The following NTM variants were observed in gnomAD, a reference collection of about 807,000 sequenced individuals.
NTM encodes the protein neurotrimin.
In NTM, 13 loss-of-function variants were observed where a neutral mutation model predicts 42.1. That is an observed-to-expected ratio of 0.31 (90% CI 0.20 to 0.49). The LOEUF (loss-of-function observed/expected upper bound fraction) is 0.49, where lower values mean the gene tolerates loss of function less well. NTM is among the 20% of genes least tolerant of loss of function. The pLI, the probability that NTM is intolerant of heterozygous loss-of-function variation, is 0.99. For missense variants in NTM, 373 were observed against 452.8 expected (o/e 0.82, Z 1.60); for synonymous variants, 187 against 179.2 (o/e 1.04, Z -0.35).
chr11:131,846,015 A>G (rs993156309), intron 1 of NTM, among the ~76,000 whole-genome samples: 8 of 152,300 alleles, frequency 5.3e-5, no homozygotes, highest in Admixed American at 3.9e-4. Context: ...ACTCACCTAT[A>G]AATTCTTCTG....
At chr11:131,751,535 G>A (rs906957677) in intron 1 of NTM, among the ~76,000 whole-genome samples, 5 of 151,482 alleles carry the variant, frequency 3.3e-5, no homozygotes, top group African/African-American at 7.3e-5. Flanking sequence ...GCTTGCAGTG[G>A]GCCGAGATAC....
intron 1 of NTM, chr11:131,911,302 G>T (rs1592770614): frequency 2.1e-6 from 3 of 1,437,682 alleles, no homozygotes; most frequent in Non-Finnish European, 1.8e-6. Context: ...GGCTGGATTT[G>T]GGGGAGGAAT....
Position 132,160,181 on chromosome 11 carries a change from T to C in NTM, c.400+13667T>C, listed in dbSNP as rs1208176808. On this transcript the variant is annotated intron_variant, in intron 3 of 8. Coordinates refer to ENST00000683400, the MANE Select transcript of NTM (RefSeq NM_001352005.2). ...TTTGGACAGGGCAGCATGCTGCCCA[T>C]TTGGGACTGGCAGTAGAATAGTCAA... Among the ~76,000 whole-genome samples the C allele has an allele frequency of 2.0e-5, 3 of 152,212 alleles. No homozygotes were observed. The East Asian group carries it at 5.8e-4, about 29-fold the overall frequency.
At chr11:132,084,737 T>C (rs2059494933) in intron 2 of NTM, among the ~76,000 whole-genome samples, 1 of 152,230 alleles carries the variant, frequency 6.6e-6, no homozygotes, top group African/African-American at 2.4e-5. Context: ...TCTCCTGTCT[T>C]TCTTTCTTTT....
At chr11:131,485,422 A>T (rs1954063899) in intron 1 of NTM, among the ~76,000 whole-genome samples, 3 of 152,096 alleles carry the variant, frequency 2.0e-5, no homozygotes, top group African/African-American at 7.2e-5. Context: ...GGTGTGTGTG[A>T]GGGGTGGGAC....
intron 2 of NTM, among the ~76,000 whole-genome samples, chr11:132,020,724 C>T (rs935207062): frequency 3.9e-5 from 6 of 151,914 alleles, no homozygotes; most frequent in Non-Finnish European, 8.8e-5. Flanking sequence ...TTGCCTTGGC[C>T]TTCATTATTT....
chr11:132,120,861 G>A (rs781463859), intron 2 of NTM, among the ~76,000 whole-genome samples: 1 of 152,160 alleles, frequency 6.6e-6, no homozygotes, highest in Non-Finnish European at 1.5e-5. Flanking sequence ...TGCATAGGCT[G>A]CTGCAAGCTT....
intron 1 of NTM, among the ~76,000 whole-genome samples, chr11:131,702,536 G>A (rs549193897): frequency 6.6e-6 from 1 of 152,278 alleles, no homozygotes; most frequent in South Asian, 2.1e-4. Flanking sequence ...TCCTGAGTGA[G>A]GGAAGAGTGC....
At chr11:132,214,619 G>A (rs905538021) in intron 4 of NTM, among the ~76,000 whole-genome samples, 4 of 152,066 alleles carry the variant, frequency 2.6e-5, no homozygotes, top group Admixed American at 2.0e-4. Context: ...GCAATTGTTT[G>A]TTGTCTTCCC....
intron 1 of NTM, among the ~76,000 whole-genome samples, chr11:131,388,144 T>C (rs919788288): frequency 6.6e-6 from 1 of 152,222 alleles, no homozygotes; most frequent in Non-Finnish European, 1.5e-5. Context: ...AGCAGCAGCA[T>C]GGACCCTGCC....
intron 1 of NTM, among the ~76,000 whole-genome samples, chr11:131,722,619 A>C (rs2078502206): frequency 6.6e-6 from 1 of 152,172 alleles, no homozygotes; most frequent in South Asian, 2.1e-4. Context: ...GATCCTGTTG[A>C]TGGAGAGGAC....
intron 2 of NTM, among the ~76,000 whole-genome samples, chr11:132,120,918 G>C (rs1378766975): frequency 6.6e-6 from 1 of 152,130 alleles, no homozygotes; most frequent in African/African-American, 2.4e-5. Flanking sequence ...TGGGGAGTGC[G>C]TGTGTGTGTA....
intron 4 of NTM, among the ~76,000 whole-genome samples, chr11:132,230,818 T>G: frequency 6.6e-6 from 1 of 152,120 alleles, no homozygotes; most frequent in East Asian, 1.9e-4. Flanking sequence ...GCCCAGGAGT[T>G]CGAGACCAGC....
At chr11:131,387,805 C>G (rs1272000489) in intron 1 of NTM, among the ~76,000 whole-genome samples, 2 of 152,046 alleles carry the variant, frequency 1.3e-5, no homozygotes, top group Non-Finnish European at 2.9e-5. Flanking sequence ...CCCACTCCCC[C>G]CTTAAAAAAA....
At position 131,550,092 on chromosome 11, in the gene NTM, CA is replaced by C. The variant is rs765658488; in HGVS notation, c.82+179208del. 2.0e-5 allele frequency among the ~76,000 whole-genome samples: 3 copies of C among 152,194 alleles called. No individual in the cohort carries two copies. The East Asian group carries it at 5.8e-4, about 29-fold the overall frequency. Reference sequence around the variant, plus strand: ...CATGAGAATCAAGGATCTGTACTGGCAAAAGAAGCTGGAATAATAACAGGAT... The same window carrying C: ...CATGAGAATCAAGGATCTGTACTGGCAAAGAAGCTGGAATAATAACAGGAT... On this transcript the variant is annotated intron_variant, in intron 1 of 8. Coordinates refer to ENST00000683400, the MANE Select transcript of NTM (RefSeq NM_001352005.2).
At chr11:131,538,921 C>CTTTTTTTTTTT (rs58463755) in intron 1 of NTM, among the ~76,000 whole-genome samples, 4 of 102,388 alleles carry the variant, frequency 3.9e-5, no homozygotes, top group African/African-American at 6.8e-5. Context: ...GTTAACTTAG[C>CTTTTTTTTTTT]TTTTTTTTTT....
At chr11:131,911,358 C>T in intron 1 of NTM, 1 of 1,530,998 alleles carries the variant, frequency 6.5e-7, no homozygotes, top group South Asian at 1.3e-5. Context: ...CCCGCGCCTC[C>T]CGGTCGCCGC....
intron 1 of NTM, among the ~76,000 whole-genome samples, chr11:131,653,357 C>T (rs1025379520): frequency 2.0e-5 from 3 of 152,192 alleles, no homozygotes; most frequent in Non-Finnish European, 2.9e-5. Context: ...CAGGGGAGGA[C>T]GGACATCAGC....
At chr11:131,728,688 G>A (rs544657498) in intron 1 of NTM, among the ~76,000 whole-genome samples, 1 of 152,294 alleles carries the variant, frequency 6.6e-6, no homozygotes, top group African/African-American at 2.4e-5. Context: ...TCGAAAAATT[G>A]CAACCTCAGG....
Sources: gnomAD v4.1 joint callset for allele counts (sites outside exome capture counted in the v4.1 genomes callset) on GRCh38, gnomAD v4.1.1 for gene constraint, MANE v1.5 for transcripts, NCBI Gene and HGNC (gene_info 2026-07-23, HGNC 2026-07-21) for gene names.